The following ANKRD36 variants were observed in gnomAD, a reference collection of about 807,000 sequenced individuals.
The protein encoded by ANKRD36 is ankyrin repeat domain-containing protein 36A.
ANKRD36 carries 179 observed loss-of-function variants against 278.1 expected under a neutral mutation model. The ratio of observed to expected loss-of-function variants is 0.64; its 90% CI spans 0.57 to 0.73. The LOEUF (loss-of-function observed/expected upper bound fraction) is 0.73, where lower values mean the gene tolerates loss of function less well. ANKRD36 is among the 30% of genes least tolerant of loss of function. ANKRD36 has a pLI of 0.00. For missense variants in ANKRD36, 1,159 were observed against 1,956.7 expected, an observed-to-expected ratio of 0.59 and a Z score of 7.69; for synonymous variants, 320 against 641.1, an observed-to-expected ratio of 0.50 and a Z score of 7.57.
chr2:97,171,761 C>G (rs1437695577), intron 22 of ANKRD36, among the ~76,000 whole-genome samples: 2 of 149,366 alleles, frequency 1.3e-5, no homozygotes, highest in African/African-American at 4.9e-5. Context: ...AAAATTAACT[C>G]AAGATAAATT....
In ANKRD36 at chr2:97,233,621, A is replaced by G. The variant is rs543724355; in HGVS notation, c.3952-109A>G. ...CTTAAAAAAAAAGTACGGAACAGGT[A>G]CCTGTGTTTGTGCTCATAGAAACAG... is the stretch of plus-strand genomic sequence containing the variant. On this transcript the variant is annotated intron_variant, in intron 67 of 75. Transcript: ENST00000420699. The G allele has an allele frequency of 4.9e-5, 76 of 1,544,838 alleles. 6 individuals are homozygous for G. In the East Asian group the frequency reaches 1.7e-3, roughly 35 times the overall value.
chr2:97,209,794 A>T lies in ANKRD36; in HGVS notation c.3295-6A>T. 1.9e-6 allele frequency: 3 copies of T among 1,600,762 alleles called. No homozygotes were observed. The highest frequency in any genetic ancestry group is 8.5e-7 in the Non-Finnish European group (1 of 1,175,980). ...TACTTATTATTTCATTTCAAATTCC[A>T]TTCAGGCTACAAGTGACGAGAAAGA... On this transcript the variant is annotated splice_polypyrimidine_tract_variant and splice_region_variant and intron_variant, in intron 55 of 75. Coordinates refer to ENST00000420699, the MANE Select transcript of ANKRD36 (RefSeq NM_001354587.1).
At chr2:97,156,825 A>AT (rs1214498341) in intron 15 of ANKRD36, among the ~76,000 whole-genome samples, 4 of 147,370 alleles carry the variant, frequency 2.7e-5, no homozygotes, top group Non-Finnish European at 6.0e-5. Context: ...GAACTAGTTT[A>AT]CAGTCCCACC....
At chr2:97,133,138 C>T (rs1574696902) in intron 6 of ANKRD36, among the ~76,000 whole-genome samples, 1 of 152,114 alleles carries the variant, frequency 6.6e-6, no homozygotes, top group Admixed American at 6.6e-5. Flanking sequence ...GTAGGCCTTT[C>T]TAAGAATGAC....
At chr2:97,183,769 T>G in intron 28 of ANKRD36, 115 bp downstream of exon 28, 3 of 1,357,086 alleles carry the variant, frequency 2.2e-6, no homozygotes, top group Non-Finnish European at 3.0e-6. Context: ...TCAGCAGGCC[T>G]GAGATTATGC....
chr2:97,263,043 A>C (rs1301206326), intron 75 of ANKRD36, among the ~76,000 whole-genome samples: 1 of 137,800 alleles, frequency 7.3e-6, no homozygotes, highest in Non-Finnish European at 1.5e-5. Context: ...CACAGAAATT[A>C]GTACCAAGGA....
At chr2:97,158,973 A>T (rs2048196819) in intron 17 of ANKRD36, among the ~76,000 whole-genome samples, 1 of 152,060 alleles carries the variant, frequency 6.6e-6, no homozygotes, top group African/African-American at 2.4e-5. Context: ...GAAGGAAAGA[A>T]GTAGAAAGCA....
chr2:97,230,384 C>A (rs1488797352), intron 67 of ANKRD36, among the ~76,000 whole-genome samples: 56 of 152,068 alleles, frequency 3.7e-4, no homozygotes, highest in Non-Finnish European at 1.8e-4. Context: ...TCATTTCATT[C>A]ATTTCATCTT....
intron 50 of ANKRD36, among the ~76,000 whole-genome samples, chr2:97,204,504 C>G (rs1156666177): frequency 3.3e-5 from 5 of 151,410 alleles, no homozygotes; most frequent in South Asian, 2.1e-4. Flanking sequence ...GAGAGCAGTT[C>G]AAGGCATAAG....
chr2:97,158,189 T>C (rs2047959533), intron 16 of ANKRD36, 22 bp downstream of exon 16: 1 of 1,438,746 alleles, frequency 7.0e-7, no homozygotes, highest in South Asian at 1.2e-5. Flanking sequence ...GAAACCTGAC[T>C]ATTATATTAT....
chr2:97,228,881 C>A (rs1413759476), intron 67 of ANKRD36, among the ~76,000 whole-genome samples: 1 of 151,850 alleles, frequency 6.6e-6, no homozygotes, highest in Non-Finnish European at 1.5e-5. Flanking sequence ...TTTCTGCCTT[C>A]ATTTTGTTAT....
At chr2:97,127,867 C>CT (rs931854219) in intron 6 of ANKRD36, among the ~76,000 whole-genome samples, 5 of 151,704 alleles carry the variant, frequency 3.3e-5, no homozygotes, top group East Asian at 3.9e-4. Context: ...TTGATAGGGA[C>CT]TTTTTTTTCC....
At chr2:97,220,537 C>T (rs1343234485) in intron 66 of ANKRD36, among the ~76,000 whole-genome samples, 1 of 151,348 alleles carries the variant, frequency 6.6e-6, no homozygotes, top group East Asian at 2.0e-4. Flanking sequence ...TAATGTCCTC[C>T]TGTTCCATCC....
rs534485091 is a variant in ANKRD36 at position 97,170,057 on chromosome 2, G to A, written c.1633+2290G>A. 2.6e-5 allele frequency among the ~76,000 whole-genome samples: 4 copies of A among 151,990 alleles called. No homozygotes were observed. The South Asian group carries it at 8.4e-4, about 32-fold the overall frequency. ...AGGCTATAGTAATGAAAACAGCATG[G>A]TACAGCTACCAAAACAGTGATATAG... On this transcript the variant is annotated intron_variant, in intron 22 of 75. Transcript: ENST00000420699.
chr2:97,179,112 A>C (rs1448835981), intron 22 of ANKRD36, among the ~76,000 whole-genome samples: 1 of 151,650 alleles, frequency 6.6e-6, no homozygotes, highest in African/African-American at 2.4e-5. Context: ...TTAGAAGTCT[A>C]AACTAGAAGA....
chr2:97,153,995 G>A (rs1158014623), intron 14 of ANKRD36, among the ~76,000 whole-genome samples: 1 of 148,844 alleles, frequency 6.7e-6, no homozygotes, highest in African/African-American at 2.4e-5. Flanking sequence ...TCTATATAAT[G>A]ACAATAATTG....
At chr2:97,132,879 A>G (rs570534727) in intron 6 of ANKRD36, among the ~76,000 whole-genome samples, 1 of 152,178 alleles carries the variant, frequency 6.6e-6, no homozygotes, top group South Asian at 2.1e-4. Context: ...CATGGGCAAT[A>G]TTGTCTACCA....
intron 75 of ANKRD36, among the ~76,000 whole-genome samples, chr2:97,258,825 T>C (rs1337793966): frequency 7.7e-6 from 1 of 130,092 alleles, no homozygotes; most frequent in South Asian, 6.2e-4. Flanking sequence ...ATAACTTCAT[T>C]GTGATGTGTG....
chr2:97,185,327 A>G lies in ANKRD36; in HGVS notation c.1951A>G (p.Lys651Glu). ...CTTTTGCTTTTCAGTGTCTTCTCAG[A>G]AACAACCAGCCTCAAAGGTAATTAA... ...GGKSGTVSSQKQPASKATSDK... is the reference protein window; with the variant it reads ...GGKSGTVSSQEQPASKATSDK... Residue 651 changes from lysine to glutamate, a missense_variant, in exon 29 of 76, where the codon AAA (lysine) becomes GAA (glutamate). Lys to Glu is a moderately conservative substitution (Grantham distance 56). Transcript: ENST00000420699. 6.2e-7 allele frequency: 1 copy of G among 1,608,092 alleles called. No homozygotes were observed. Among genetic ancestry groups the G allele is most frequent in the Non-Finnish European group, 8.5e-7 (1 of 1,175,506 alleles).
Sources: gnomAD v4.1 joint callset for allele counts (sites outside exome capture counted in the v4.1 genomes callset) on GRCh38, gnomAD v4.1.1 for gene constraint, MANE v1.5 for transcripts, NCBI Gene and HGNC (gene_info 2026-07-23, HGNC 2026-07-21) for gene names.